The following PEMT variants were observed in gnomAD, a reference collection of about 807,000 sequenced individuals.
PEMT encodes phospholipid methyltransferase.
Under a neutral mutation model 27.4 loss-of-function variants are expected in PEMT, and 23 were observed. The observed-to-expected ratio is 0.84, with a 90% CI of 0.60 to 1.19. The LOEUF (loss-of-function observed/expected upper bound fraction) is 1.19. Among genes scored for constraint, PEMT ranks in the 50% most tolerant of loss-of-function variants. The pLI is 0.00. For synonymous variants in PEMT, 137 were observed against 139.1 expected (o/e 0.98, Z 0.11); for missense variants, 307 against 310.1 (o/e 0.99, Z 0.07).
In PEMT at chr17:17,582,588, GGA is replaced by G. The variant is rs1912036528; in HGVS notation, c.97-5563_97-5562del. Among the ~76,000 whole-genome samples, 1 of 152,180 alleles carries G rather than the reference GGA, an allele frequency of 6.6e-6. No individual in the cohort carries two copies. The highest frequency in any genetic ancestry group is 2.1e-4 in the South Asian group (1 of 4,832). ...GCTGGAGAGGGGACAGGTCCTCCTG[GGA>G]TCCATCACCCCTGCAGAATCTGCCT... On this transcript the variant is annotated intron_variant, in intron 1 of 6. Transcript: ENST00000255389. The surrounding 1 kb of genome is among the most constrained non-coding windows in gnomAD (Gnocchi z 4.9).
intron 1 of PEMT, chr17:17,577,406 C>T: frequency 1.1e-6 from 1 of 943,148 alleles, no homozygotes; most frequent in Admixed American, 4.6e-5. Context: ...AAGAGATGCT[C>T]AACCTACCAG....
At chr17:17,505,925 A>G (rs1449031768) in intron 6 of PEMT, 77 bp from the exon 7 acceptor site, 5 of 1,508,792 alleles carry the variant, frequency 3.3e-6, no homozygotes, top group Non-Finnish European at 3.6e-6. Flanking sequence ...CTCTGCGTCC[A>G]TCAGCTTGAG....
At chr17:17,568,472 GCC>G (rs1008285513) in intron 2 of PEMT, among the ~76,000 whole-genome samples, 6 of 152,370 alleles carry the variant, frequency 3.9e-5, no homozygotes, top group African/African-American at 1.4e-4. Context: ...GCACAGAGCT[GCC>G]CCAGAGCCAG....
chr17:17,579,177 GAC>G (rs1911828301), intron 1 of PEMT, among the ~76,000 whole-genome samples: 2 of 152,312 alleles, frequency 1.3e-5, no homozygotes, highest in South Asian at 4.1e-4. Context: ...TTCCCCAAAC[GAC>G]AGTCTCCTGA....
chr17:17,550,608 GTGTGAT>G (rs1270887843), intron 2 of PEMT, among the ~76,000 whole-genome samples: 2 of 152,222 alleles, frequency 1.3e-5, no homozygotes, highest in East Asian at 3.8e-4. Context: ...TCATGCATTT[GTGTGAT>G]TGTTGTAGAC....
intron 2 of PEMT, among the ~76,000 whole-genome samples, chr17:17,563,677 A>G (rs897451): frequency 0.63 from 95,747 of 152,144 alleles, 31,144 homozygotes; most frequent in African/African-American, 0.8. Flanking sequence ...GTGTACTGGG[A>G]CCGCTGTGTG....
intron 1 of PEMT, 57 bp downstream of exon 1, chr17:17,591,474 C>T: frequency 6.3e-6 from 9 of 1,421,424 alleles, no homozygotes; most frequent in South Asian, 6.0e-5. Flanking sequence ...CCTTCACGCC[C>T]CTCGGGCCTT....
intron 2 of PEMT, among the ~76,000 whole-genome samples, chr17:17,548,028 T>C (rs1033983312): frequency 6.6e-6 from 1 of 152,196 alleles, no homozygotes; most frequent in Non-Finnish European, 1.5e-5. Flanking sequence ...TGGCAGCCAC[T>C]CTGCTGCACG....
chr17:17,531,640 A>G (rs1377632716), intron 2 of PEMT, among the ~76,000 whole-genome samples: 1 of 150,490 alleles, frequency 6.6e-6, no homozygotes, highest in Non-Finnish European at 1.5e-5. Flanking sequence ...AAAAAAAAAA[A>G]AAAAAAGAAC....
chr17:17,522,006 G>A (rs1430665047), intron 3 of PEMT, among the ~76,000 whole-genome samples: 1 of 152,220 alleles, frequency 6.6e-6, no homozygotes, highest in African/African-American at 2.4e-5. Context: ...TGGCTACGTG[G>A]CAGAGGCTGG....
chr17:17,552,758 A>T (rs531817776), intron 2 of PEMT, among the ~76,000 whole-genome samples: 1 of 152,266 alleles, frequency 6.6e-6, no homozygotes, highest in Non-Finnish European at 1.5e-5. Context: ...GAGACCCAAG[A>T]TCTAAAATTA....
rs150800433 is a variant in PEMT at position 17,547,115 on chromosome 17, G to C, written c.205-24720C>G. ...ATTAGCAGCTCCGCTGTTACTGCAG[G>C]ATAATTAATTCAATCAGAAATAATT... On this transcript the variant is annotated intron_variant, in intron 2 of 6. Coordinates refer to ENST00000255389, the MANE Select transcript of PEMT (RefSeq NM_148172.3). 2.6e-3 allele frequency among the ~76,000 whole-genome samples: 398 copies of C among 152,400 alleles called. 1 individual carries two copies. Among genetic ancestry groups the C allele is most frequent in the African/African-American group, 8.9e-3 (369 of 41,600 alleles).
chr17:17,507,452 C>T, intron 5 of PEMT: 2 of 547,116 alleles, frequency 3.7e-6, no homozygotes, highest in South Asian at 2.4e-5. Flanking sequence ...TGCCTTCCAC[C>T]CCTGGACCTC....
chr17:17,574,315 C>CT lies in PEMT; in HGVS notation c.204+2604dup, dbSNP rs551467639. On this transcript the variant is annotated intron_variant, in intron 2 of 6. Transcript: ENST00000255389. Reference sequence around the variant, plus strand: ...TGCTGTCTTCCAAATCTTACTGCATCTTTTTTTTTTTTTTTTTTTTTAAAG... The same window carrying CT: ...TGCTGTCTTCCAAATCTTACTGCATCTTTTTTTTTTTTTTTTTTTTTTAAAG... Among the ~76,000 whole-genome samples the CT allele has an allele frequency of 3.0e-3, 336 of 110,694 alleles. 1 individual carries two copies. Among genetic ancestry groups the CT allele is most frequent in the East Asian group, 0.016 (58 of 3,680 alleles). 72.6% of individuals were successfully genotyped at this position (110,694 alleles called of 152,430 possible). A position where few individuals can be genotyped will look rare whatever the true frequency, so the allele number is the denominator to read the frequency against.
chr17:17,509,632 C>T (rs766445361), intron 4 of PEMT, 87 bp from the exon 5 acceptor site: 12 of 912,916 alleles, frequency 1.3e-5, no homozygotes, highest in Middle Eastern at 2.4e-4. Context: ...CGGGCTGTGG[C>T]GAGACCTGCA....
At chr17:17,539,482 C>T (rs1163525981) in intron 2 of PEMT, among the ~76,000 whole-genome samples, 1 of 152,198 alleles carries the variant, frequency 6.6e-6, no homozygotes, top group Non-Finnish European at 1.5e-5. Flanking sequence ...TGGTATGATG[C>T]CTCTGCGATG....
intron 2 of PEMT, among the ~76,000 whole-genome samples, chr17:17,558,391 C>T (rs1910221020): frequency 1.3e-5 from 2 of 152,012 alleles, no homozygotes; most frequent in South Asian, 4.2e-4. Context: ...GCCTGTAATC[C>T]CAGCTACTTG....
chr17:17,575,902 C>G (rs1356047874), intron 2 of PEMT, among the ~76,000 whole-genome samples: 1 of 152,226 alleles, frequency 6.6e-6, no homozygotes, highest in Non-Finnish European at 1.5e-5. Context: ...AGAAAAATCT[C>G]AAGTCATAAA....
At chr17:17,580,767 T>A (rs1911927639) in intron 1 of PEMT, among the ~76,000 whole-genome samples, 1 of 151,588 alleles carries the variant, frequency 6.6e-6, no homozygotes, top group Non-Finnish European at 1.5e-5. Context: ...CCATTACCAA[T>A]CCTCCCGTGG....
Sources: allele counts gnomAD v4.1 joint callset (sites outside exome capture counted in the v4.1 genomes callset), GRCh38; gene constraint gnomAD v4.1.1; non-coding constraint Gnocchi (gnomAD v3.1); transcripts MANE v1.5; gene names NCBI Gene and HGNC (gene_info 2026-07-23, HGNC 2026-07-21).